Variants in CORIN observed in about 807,000 individuals in gnomAD.
The protein encoded by CORIN is corin, serine peptidase.
CORIN carries 117 observed loss-of-function variants against 125.3 expected under a neutral mutation model. The observed-to-expected ratio is 0.93, with a 90% CI of 0.80 to 1.09. The LOEUF (loss-of-function observed/expected upper bound fraction) is 1.09, where lower values mean the gene tolerates loss of function less well. Ranked by LOEUF, CORIN falls within the 50% of genes least tolerant of loss-of-function variation. The pLI, the probability that CORIN is intolerant of heterozygous loss-of-function variation, is 0.00. For missense variants in CORIN, 1,253 were observed against 1,306.7 expected, an observed-to-expected ratio of 0.96 and a Z score of 0.63; for synonymous variants, 450 against 466.4, an observed-to-expected ratio of 0.96 and a Z score of 0.45.
At chr4:47,794,188 G>A (rs1481223620) in intron 2 of CORIN, among the ~76,000 whole-genome samples, 1 of 152,086 alleles carries the variant, frequency 6.6e-6, no homozygotes, top group African/African-American at 2.4e-5. Context: ...CTATTTTTAA[G>A]TGATACTAAG....
intron 5 of CORIN, among the ~76,000 whole-genome samples, chr4:47,739,999 G>GT (rs1164272950): frequency 1.3e-5 from 2 of 151,824 alleles, no homozygotes; most frequent in Non-Finnish European, 3.0e-5. Flanking sequence ...AAAAAAGTCA[G>GT]TAATGAAGGA....
chr4:47,800,003 C>T (rs901723358), intron 2 of CORIN, among the ~76,000 whole-genome samples: 2 of 151,970 alleles, frequency 1.3e-5, no homozygotes, highest in Admixed American at 1.3e-4. Flanking sequence ...CACAAAATAC[C>T]ACATATGGTC....
chr4:47,775,274 T>G (rs988933653), intron 3 of CORIN, among the ~76,000 whole-genome samples: 1 of 151,944 alleles, frequency 6.6e-6, no homozygotes. Context: ...AACGTACAGG[T>G]TTTTTACCTA....
Position 47,744,418 on chromosome 4 carries a change from C to T in CORIN, c.783G>A (p.Gln261=). 1 of 1,613,370 alleles carries T rather than the reference C, an allele frequency of 6.2e-7. No individual in the cohort carries two copies. The highest frequency in any genetic ancestry group is 2.2e-5 in the East Asian group (1 of 44,870). ...NVSRICFSPQ[Q]ENGKQLLCGR... ...GACACCTACATTGCTTTCCGTTTTC[C>T]TGCTGAGGTGAGAAGCAAATTCTGC... The change falls in exon 5 of 22, where the codon CAG becomes CAA. Residue 261 remains glutamine, a synonymous_variant. Coordinates refer to ENST00000273857, the MANE Select transcript of CORIN (RefSeq NM_006587.4).
At chr4:47,605,863 G>A (rs992944105) in intron 19 of CORIN, among the ~76,000 whole-genome samples, 3 of 152,130 alleles carry the variant, frequency 2.0e-5, no homozygotes, top group East Asian at 3.9e-4. Flanking sequence ...CCAAAGATTC[G>A]AAAGGCTGAG....
intron 17 of CORIN, among the ~76,000 whole-genome samples, chr4:47,625,186 A>G (rs9291310): frequency 0.27 from 40,906 of 151,964 alleles, 5,660 homozygotes; most frequent in Admixed American, 0.35. Context: ...GAGGGCCTTC[A>G]TTTCCCCTCA....
intron 15 of CORIN, among the ~76,000 whole-genome samples, 192 bp from the exon 16 acceptor site, chr4:47,642,241 A>C (rs1449881819): frequency 6.6e-6 from 1 of 152,220 alleles, no homozygotes. Flanking sequence ...AATGAATTAG[A>C]AATGTTCTCT....
At chr4:47,697,779 G>A (rs899817275) in intron 5 of CORIN, among the ~76,000 whole-genome samples, 1 of 152,056 alleles carries the variant, frequency 6.6e-6, no homozygotes, top group African/African-American at 2.4e-5. Flanking sequence ...CCCATGAGGA[G>A]AAAGGGGAGC....
At chr4:47,837,787 C>T in intron 1 of CORIN, 100 bp downstream of exon 1, 2 of 1,036,668 alleles carry the variant, frequency 1.9e-6, no homozygotes, top group Non-Finnish European at 3.0e-6. Context: ...TGGCATCGGG[C>T]GGAGGAGAGG....
At position 47,766,142 on chromosome 4, in the gene CORIN, C is replaced by T. The variant is rs560894158; in HGVS notation, c.410-2556G>A. ...TCAGTACCCCTTTGTAGTTTACGAA[C>T]CACTTCTACCCTTATCTTTTAAGGT... On this transcript the variant is annotated intron_variant, in intron 3 of 21. Transcript: ENST00000273857. Among the ~76,000 whole-genome samples the T allele has an allele frequency of 4.6e-5, 7 of 152,234 alleles. No individual in the cohort carries two copies. In the East Asian group the frequency reaches 1.4e-3, roughly 29 times the overall value.
chr4:47,725,474 T>A (rs1178447740), intron 5 of CORIN, among the ~76,000 whole-genome samples: 4 of 152,190 alleles, frequency 2.6e-5, no homozygotes, highest in Admixed American at 2.6e-4. Context: ...CCCACGAGAA[T>A]AAGGTCAATT....
At chr4:47,660,121 A>G (rs1243146217) in intron 12 of CORIN, among the ~76,000 whole-genome samples, 1 of 152,214 alleles carries the variant, frequency 6.6e-6, no homozygotes, top group African/African-American at 2.4e-5. Flanking sequence ...TGCTGAGAAA[A>G]CTGGATATTC....
chr4:47,817,743 T>C (rs1485135955), intron 1 of CORIN, among the ~76,000 whole-genome samples: 1 of 152,164 alleles, frequency 6.6e-6, no homozygotes, highest in Non-Finnish European at 1.5e-5. Context: ...TTCAGGGCCA[T>C]GGAAAGAAAC....
At chr4:47,618,249 G>A (rs879846762) in intron 19 of CORIN, among the ~76,000 whole-genome samples, 11 of 150,960 alleles carry the variant, frequency 7.3e-5, no homozygotes, top group Non-Finnish European at 1.2e-4. Context: ...CAGGAGAATG[G>A]CTTGAACTCG....
chr4:47,665,646 T>C (rs1177356786), intron 10 of CORIN, among the ~76,000 whole-genome samples: 1 of 152,224 alleles, frequency 6.6e-6, no homozygotes, highest in Non-Finnish European at 1.5e-5. Context: ...TCATCTTCAC[T>C]GTCACTAAAC....
At chr4:47,780,043 GTT>G (rs1350737025) in intron 3 of CORIN, among the ~76,000 whole-genome samples, 2 of 152,080 alleles carry the variant, frequency 1.3e-5, no homozygotes, top group Non-Finnish European at 2.9e-5. Flanking sequence ...TGGGGAAATG[GTT>G]GAAATAAATT....
chr4:47,750,608 T>C (rs73144296), intron 4 of CORIN, among the ~76,000 whole-genome samples: 81 of 152,324 alleles, frequency 5.3e-4, no homozygotes, highest in African/African-American at 1.9e-3. Context: ...AAGAATTTTC[T>C]GGAACTTGGA....
intron 19 of CORIN, among the ~76,000 whole-genome samples, chr4:47,606,644 C>T (rs1005666851): frequency 1.3e-5 from 2 of 149,596 alleles, no homozygotes; most frequent in Non-Finnish European, 3.0e-5. Context: ...TCCCTCCTTC[C>T]TTTCTTCCCT....
chr4:47,793,311 G>A (rs1212702775), intron 2 of CORIN, among the ~76,000 whole-genome samples: 3 of 152,036 alleles, frequency 2.0e-5, no homozygotes, highest in African/African-American at 4.8e-5. Context: ...TTCGTTGAAC[G>A]TATGAATGAT....
Sources: allele counts gnomAD v4.1 joint callset (sites outside exome capture counted in the v4.1 genomes callset), GRCh38; gene constraint gnomAD v4.1.1; transcripts MANE v1.5; gene names NCBI Gene and HGNC (gene_info 2026-07-23, HGNC 2026-07-21).